The following PCDHA8 variants were observed in gnomAD, a reference collection of about 807,000 sequenced individuals.
The protein encoded by PCDHA8 is protocadherin alpha-8.
In PCDHA8, 53 loss-of-function variants were observed where a neutral mutation model predicts 61.8. That is an observed-to-expected ratio of 0.86 (90% CI 0.69 to 1.08). PCDHA8 has a LOEUF of 1.08. Ranked by LOEUF, PCDHA8 falls within the 50% of genes least tolerant of loss-of-function variation. The pLI, the probability that PCDHA8 is intolerant of heterozygous loss-of-function variation, is 0.00. For missense variants in PCDHA8, 1,293 were observed against 1,245.0 expected (o/e 1.04, Z -0.58); for synonymous variants, 618 against 556.6 (o/e 1.11, Z -1.55).
At chr5:140,892,819 A>G (rs551280418) in intron 1 of PCDHA8, among the ~76,000 whole-genome samples, 2 of 152,304 alleles carry the variant, frequency 1.3e-5, no homozygotes, top group South Asian at 4.1e-4. Context: ...TTTATCCTAC[A>G]GTGCTACAGT....
intron 3 of PCDHA8, among the ~76,000 whole-genome samples, chr5:141,005,816 G>A (rs1295998009): frequency 1.3e-5 from 2 of 151,804 alleles, no homozygotes; most frequent in African/African-American, 4.8e-5. Context: ...AGCCAGGTAT[G>A]GTGGCCTGTA....
chr5:140,844,634 A>G (rs1352743996), intron 1 of PCDHA8, among the ~76,000 whole-genome samples: 1 of 149,578 alleles, frequency 6.7e-6, no homozygotes, highest in Non-Finnish European at 1.5e-5. Flanking sequence ...AAAACTATAC[A>G]TGATAATTTC....
chr5:140,996,232 T>C (rs1054290986), intron 3 of PCDHA8, among the ~76,000 whole-genome samples: 13 of 152,302 alleles, frequency 8.5e-5, no homozygotes, highest in South Asian at 4.1e-4. Flanking sequence ...AAATGGTTGC[T>C]CAAGGCTGAG....
intron 3 of PCDHA8, among the ~76,000 whole-genome samples, chr5:141,003,100 T>TTCACAATC (rs1311391173): frequency 6.6e-6 from 1 of 152,240 alleles, no homozygotes; most frequent in African/African-American, 2.4e-5. Flanking sequence ...TGGCATTTGC[T>TTCACAATC]TCACAATCTT....
At chr5:140,965,861 T>C (rs971753310) in intron 1 of PCDHA8, among the ~76,000 whole-genome samples, 3 of 152,192 alleles carry the variant, frequency 2.0e-5, no homozygotes, top group African/African-American at 7.2e-5. Flanking sequence ...ACACTGAAAA[T>C]AAGGGCCACT....
rs150829264 is a variant in PCDHA8 at position 140,948,791 on chromosome 5, A to G, written c.2395-30158A>G. 2.3e-3 allele frequency among the ~76,000 whole-genome samples: 342 copies of G among 151,342 alleles called. 1 individual carries two copies. Among genetic ancestry groups the G allele is most frequent in the Non-Finnish European group, 4.4e-3 (295 of 67,454 alleles). ...ATAGCCAGCTTTTGGCTTTGTTGAT[A>G]TATTTTCTATTGTTTGGTTTCTATT... On this transcript the variant is annotated intron_variant, in intron 1 of 3. Coordinates refer to ENST00000531613, the MANE Select transcript of PCDHA8 (RefSeq NM_018911.3).
chr5:140,952,072 A>G (rs1433517410), intron 1 of PCDHA8, among the ~76,000 whole-genome samples: 1 of 152,112 alleles, frequency 6.6e-6, no homozygotes, highest in Non-Finnish European at 1.5e-5. Context: ...AATAATCTTC[A>G]TTGACTCCAT....
intron 3 of PCDHA8, among the ~76,000 whole-genome samples, chr5:140,988,486 T>C (rs2153874124): frequency 6.6e-6 from 1 of 152,286 alleles, no homozygotes; most frequent in South Asian, 2.1e-4. Context: ...TAGCATCCCC[T>C]ACCTAGGAGA....
chr5:140,932,607 T>C (rs555006363), intron 1 of PCDHA8, among the ~76,000 whole-genome samples: 8 of 152,052 alleles, frequency 5.3e-5, no homozygotes, highest in Non-Finnish European at 7.4e-5. Flanking sequence ...CTATTTTGAC[T>C]TTGAAGCTGA....
intron 3 of PCDHA8, among the ~76,000 whole-genome samples, chr5:140,997,706 A>G (rs1387378770): frequency 3.3e-5 from 5 of 151,686 alleles, no homozygotes; most frequent in African/African-American, 1.2e-4. Flanking sequence ...GTATGTTAAC[A>G]AACACCTTTC....
intron 3 of PCDHA8, among the ~76,000 whole-genome samples, chr5:141,004,792 C>G (rs2098181519): frequency 6.6e-6 from 1 of 152,170 alleles, no homozygotes; most frequent in African/African-American, 2.4e-5. Flanking sequence ...CAGGCAGATT[C>G]TGGCTGAGCT....
chr5:140,852,737 C>T (rs980998080), intron 1 of PCDHA8: 2 of 983,692 alleles, frequency 2.0e-6, no homozygotes, highest in Non-Finnish European at 1.2e-6. Flanking sequence ...GTTTCATGTG[C>T]CATTTAAACT....
At chr5:140,870,552 G>T in intron 1 of PCDHA8, 4 of 1,614,042 alleles carry the variant, frequency 2.5e-6, no homozygotes, top group Non-Finnish European at 2.5e-6. Flanking sequence ...ACGCGGACGC[G>T]CAGGAGAACG....
At chr5:140,863,799 G>C (rs1246230954) in intron 1 of PCDHA8, 1 of 212,342 alleles carries the variant, frequency 4.7e-6, no homozygotes, top group Non-Finnish European at 9.6e-6. Context: ...AGGAGTTTGA[G>C]ACCAGCCTGG....
At chr5:140,885,592 G>T (rs1428219345) in intron 1 of PCDHA8, among the ~76,000 whole-genome samples, 3 of 152,102 alleles carry the variant, frequency 2.0e-5, no homozygotes, top group Non-Finnish European at 2.9e-5. Flanking sequence ...ATGCATCAAA[G>T]ATATTAATAA....
At position 140,841,977 on chromosome 5, in the gene PCDHA8, A is replaced by C. The variant is rs2150326708; in HGVS notation, c.656A>C (p.Lys219Thr). The stretch of plus-strand genomic sequence containing the variant: ...TTCCTGACAGCCACAGATGGGGGCA[A>C]ACCTGAGCTCACAGGCACTGTTCAG... ...HLFLTATDGG[K>T]PELTGTVQLL... Residue 219 changes from lysine (K) to threonine (T), a missense_variant, in exon 1 of 4, where the codon AAA (lysine) becomes ACA (threonine). Physicochemically the swap from Lys to Thr is moderately conservative, Grantham distance 78 (BLOSUM62 -1). Transcript: ENST00000531613. 127 of 1,613,770 alleles carry C rather than the reference A, an allele frequency of 7.9e-5. No individual in the cohort carries two copies. The highest frequency in any genetic ancestry group is 1.1e-4 in the Non-Finnish European group (126 of 1,179,866).
intron 1 of PCDHA8, chr5:140,856,390 G>C: frequency 6.3e-7 from 1 of 1,598,554 alleles, no homozygotes; most frequent in South Asian, 1.1e-5. Flanking sequence ...GGCCGCTGCA[G>C]GTTTTCCATG....
chr5:140,884,155 C>T (rs781815602), intron 1 of PCDHA8: 1 of 1,613,430 alleles, frequency 6.2e-7, no homozygotes, highest in Non-Finnish European at 8.5e-7. Flanking sequence ...TGTACACTGG[C>T]GAGATCAGCA....
chr5:140,915,744 G>A (rs2077291791), intron 1 of PCDHA8, among the ~76,000 whole-genome samples: 1 of 151,896 alleles, frequency 6.6e-6, no homozygotes, highest in South Asian at 2.1e-4. Flanking sequence ...CAGACCTATA[G>A]CCAGCACAGC....
Sources: gnomAD v4.1 joint callset for allele counts (sites outside exome capture counted in the v4.1 genomes callset) on GRCh38, gnomAD v4.1.1 for gene constraint, MANE v1.5 for transcripts, NCBI Gene and HGNC (gene_info 2026-07-23, HGNC 2026-07-21) for gene names.